INTS1: variants seen among roughly 807,000 people sequenced by gnomAD.
INTS1 encodes integrator complex subunit 1.
In INTS1, 137 loss-of-function variants were observed where a neutral mutation model predicts 241.6. The observed-to-expected ratio is 0.57, with a 90% CI of 0.49 to 0.65. The LOEUF (loss-of-function observed/expected upper bound fraction) is 0.65, where lower values mean the gene tolerates loss of function less well. INTS1 is among the 30% of genes least tolerant of loss of function. The pLI, the probability that INTS1 is intolerant of heterozygous loss-of-function variation, is 0.00. For synonymous variants in INTS1, 1,692 were observed against 1,337.8 expected (o/e 1.26, Z -5.78); for missense variants, 3,073 against 3,032.2 (o/e 1.01, Z -0.32).
At chr7:1,485,697 A>G (rs1782226093) in intron 22 of INTS1, among the ~76,000 whole-genome samples, 1 of 152,230 alleles carries the variant, frequency 6.6e-6, no homozygotes, top group East Asian at 1.9e-4. Context: ...CACCAGCAAG[A>G]AAGGAACACC....
At chr7:1,503,801 G>A (rs974190881) in intron 2 of INTS1, 102 bp downstream of exon 2, 1 of 844,326 alleles carries the variant, frequency 1.2e-6, no homozygotes, top group South Asian at 1.6e-5. Flanking sequence ...CGCGGCTGCG[G>A]AACAACCAAG....
rs369829481 is a variant in INTS1 at position 1,495,468 on chromosome 7, G to A, written c.1797C>T (p.Ser599=). Residue 599 remains serine, a synonymous_variant, in exon 13 of 48, where the codon TCC becomes TCT. Transcript: ENST00000404767. ...AVWWLHTVVP[S]ISKLAPKDYV... is the part of the protein sequence containing the mutation. ...AGTCCTTAGGGGCGAGCTTGCTGAT[G>A]GAGGGGACCACAGTGTGGAGCCACC... The A allele has an allele frequency of 4.2e-5, 67 of 1,612,536 alleles. No homozygotes were observed. Among genetic ancestry groups the A allele is most frequent in the Non-Finnish European group, 5.6e-5 (66 of 1,179,718 alleles).
At chr7:1,478,097 G>A (rs993436297) in intron 33 of INTS1, among the ~76,000 whole-genome samples, 161 bp from the exon 34 acceptor site, 4 of 148,394 alleles carry the variant, frequency 2.7e-5, no homozygotes, top group Non-Finnish European at 4.6e-5. Flanking sequence ...GGGCCGGAGA[G>A]GAGAGTGCGG....
At chr7:1,489,707 C>G in intron 16 of INTS1, 25 bp from the exon 17 acceptor site, 2 of 1,452,930 alleles carry the variant, frequency 1.4e-6, no homozygotes, top group South Asian at 2.7e-5. Context: ...CGCCCCGACT[C>G]AGGCCCAGCG....
At position 1,487,261 on chromosome 7, in the gene INTS1, C is replaced by T. The variant is rs1422669089; in HGVS notation, c.2646+59G>A. Reference sequence around the variant, plus strand: ...GCCCTCTTCTGGCCACCAAGGCCTCCGGAAGGTTCCGGGCCTCCCAAGACC... The same window carrying T: ...GCCCTCTTCTGGCCACCAAGGCCTCTGGAAGGTTCCGGGCCTCCCAAGACC... On this transcript the variant is annotated intron_variant, in intron 20 of 47. Coordinates refer to ENST00000404767, the MANE Select transcript of INTS1 (RefSeq NM_001080453.3). 4.5e-6 allele frequency: 7 copies of T among 1,544,446 alleles called. No homozygotes were observed. The African/African-American group carries it at 5.5e-5, about 12-fold the overall frequency.
rs757592161 is a variant in INTS1 at position 1,484,713 on chromosome 7, G to A, written c.3261+385C>T. ...TCAGATTCCACCCTGCTGTGAACAAGGCACCCTCACCCCCGTGGCTTCGCA... is the reference window on the plus strand; with the variant it reads ...TCAGATTCCACCCTGCTGTGAACAAAGCACCCTCACCCCCGTGGCTTCGCA... On this transcript the variant is annotated intron_variant, in intron 24 of 47. Transcript: ENST00000404767. Among the ~76,000 whole-genome samples, 6 of 152,346 alleles carry A rather than the reference G, an allele frequency of 3.9e-5. No homozygotes were observed. The South Asian group carries it at 1.2e-3, about 32-fold the overall frequency.
intron 3 of INTS1, chr7:1,501,304 A>G (rs1323719386): frequency 6.6e-6 from 1 of 151,840 alleles, no homozygotes; most frequent in Non-Finnish European, 1.5e-5. Context: ...TAAATAAATA[A>G]ATAAATAATA....
At chr7:1,484,781 A>G (rs1782170956) in intron 24 of INTS1, among the ~76,000 whole-genome samples, 1 of 152,090 alleles carries the variant, frequency 6.6e-6, no homozygotes, top group Non-Finnish European at 1.5e-5. Context: ...GTGAGTGGTG[A>G]CTAAGGAAGG....
At chr7:1,473,045 C>T (rs201567883) in intron 43 of INTS1, 27 bp downstream of exon 43, 970 of 1,494,922 alleles carry the variant, frequency 6.5e-4, no homozygotes, top group Non-Finnish European at 8.2e-4. Context: ...GCAGCTGCTT[C>T]CAGCAGCCCC....
intron 16 of INTS1, 79 bp downstream of exon 16, chr7:1,492,931 C>A: frequency 1.1e-6 from 1 of 950,424 alleles, no homozygotes; most frequent in Non-Finnish European, 1.6e-6. Flanking sequence ...GGGAGCGGGG[C>A]GCGGGCTTAC....
Position 1,487,842 on chromosome 7 carries a change from G to T in INTS1, c.2434C>A (p.His812Asn), listed in dbSNP as rs1472762873. Residue 812 changes from histidine (H) to asparagine (N), a missense_variant, in exon 19 of 48, where the codon CAC (histidine) becomes AAC (asparagine). Transcript: ENST00000404767. ...TGCTTGGTGGACGCGGCCGCCAGGT[G>T]CCCCTCGAAGGCCAGGATCTCCTGC... ...EKQEILAFEG[H>N]LAAASTKQTI... is the part of the protein sequence containing the mutation. 1 of 1,613,438 alleles carries T rather than the reference G, an allele frequency of 6.2e-7. No homozygotes were observed. Among genetic ancestry groups the T allele is most frequent in the South Asian group, 1.1e-5 (1 of 91,086 alleles).
chr7:1,482,644 G>A lies in INTS1; in HGVS notation c.3605C>T (p.Thr1202Ile), dbSNP rs1400623553. 1 of 1,612,876 alleles carries A rather than the reference G, an allele frequency of 6.2e-7. No individual in the cohort carries two copies. Among genetic ancestry groups the A allele is most frequent in the East Asian group, 2.2e-5 (1 of 44,874 alleles). Residue 1202 changes from threonine to isoleucine, a missense_variant, in exon 27 of 48, where the codon ACC becomes ATC. Coordinates refer to ENST00000404767, the MANE Select transcript of INTS1 (RefSeq NM_001080453.3). ...IWFPEEKPLP[T>I]AFLVDTSEEA... ...CTCCGATGTGTCCACCAGGAAGGCG[G>A]TGGGCAGTGGCTTCTCCTCCGGAAA...
chr7:1,479,374 C>A, intron 31 of INTS1, 56 bp downstream of exon 31: 2 of 1,524,372 alleles, frequency 1.3e-6, no homozygotes, highest in Non-Finnish European at 1.8e-6. Context: ...GGCCGTCCTG[C>A]GGGAGGCAGA....
At chr7:1,489,501 C>A (rs1346524086) in intron 17 of INTS1, 90 bp downstream of exon 17, 2 of 1,535,716 alleles carry the variant, frequency 1.3e-6, no homozygotes, top group Middle Eastern at 1.7e-4. Context: ...CCCAGCTGGG[C>A]TCATCCCAAG....
chr7:1,479,315 T>G, intron 31 of INTS1, 115 bp downstream of exon 31: 1 of 1,254,914 alleles, frequency 8.0e-7, no homozygotes, highest in Non-Finnish European at 1.1e-6. Flanking sequence ...CCTTTCTCAC[T>G]TGGAAACTGA....
chr7:1,479,731 G>T, intron 30 of INTS1, 47 bp from the exon 31 acceptor site: 6 of 1,436,950 alleles, frequency 4.2e-6, no homozygotes, highest in Non-Finnish European at 5.5e-6. Flanking sequence ...GGAGAAGGAG[G>T]AGGAGCGCAG....
Position 1,476,651 on chromosome 7 carries a change from G to A in INTS1, c.5070C>T (p.Asp1690=), listed in dbSNP as rs755581580. 2.2e-5 allele frequency: 35 copies of A among 1,612,588 alleles called. No homozygotes were observed. The East Asian group carries it at 2.7e-4, about 12-fold the overall frequency. ...LLGKSREQRF[D]PSASLDFLWA... is the part of the protein sequence containing the mutation. ...AGAGGAAGTCCAGAGAGGCAGAGGG[G>A]TCGAACCTGTGGGGAGGCAAAGGTT... Residue 1690 remains aspartate, a synonymous_variant, in exon 37 of 48, where the codon GAC becomes GAT. Coordinates refer to ENST00000404767, the MANE Select transcript of INTS1 (RefSeq NM_001080453.3).
chr7:1,480,704 G>A, intron 29 of INTS1, 131 bp downstream of exon 29: 1 of 785,446 alleles, frequency 1.3e-6, no homozygotes, highest in South Asian at 1.8e-5. Flanking sequence ...CCCCTCTCAG[G>A]TGGCATCAGC....
rs759137311 is a variant in INTS1 at position 1,487,484 on chromosome 7, C to G, written c.2517-35G>C. On this transcript the variant is annotated intron_variant, in intron 19 of 47. Coordinates refer to ENST00000404767, the MANE Select transcript of INTS1 (RefSeq NM_001080453.3). ...ACAGGGGACACGGTGCGTCAGCACGCCCTGAGCGGATCACCCCCAGAACCC... is the reference window on the plus strand; with the variant it reads ...ACAGGGGACACGGTGCGTCAGCACGGCCTGAGCGGATCACCCCCAGAACCC... The G allele has an allele frequency of 1.9e-6, 3 of 1,599,210 alleles. No individual in the cohort carries two copies. In the South Asian group the frequency reaches 3.4e-5, roughly 18 times the overall value.
Sources: gnomAD v4.1 joint callset for allele counts (sites outside exome capture counted in the v4.1 genomes callset) on GRCh38, gnomAD v4.1.1 for gene constraint, MANE v1.5 for transcripts, NCBI Gene and HGNC (gene_info 2026-07-23, HGNC 2026-07-21) for gene names.